DNAH1: variants seen among roughly 807,000 people sequenced by gnomAD.
The protein encoded by DNAH1 is axonemal beta dynein heavy chain 1.
Under a neutral mutation model 484.3 loss-of-function variants are expected in DNAH1, and 327 were observed. The ratio of observed to expected loss-of-function variants is 0.68; its 90% CI spans 0.62 to 0.74. The LOEUF is 0.74. Ranked by LOEUF, DNAH1 falls within the 30% of genes least tolerant of loss-of-function variation. The probability of loss-of-function intolerance (pLI) is 0.00; values close to 1 mark genes in which losing one functional copy is unlikely to be tolerated. For synonymous variants in DNAH1, 2,192 were observed against 2,191.9 expected, an observed-to-expected ratio of 1.00 and a Z score of 0.00; for missense variants, 5,052 against 5,546.8, an observed-to-expected ratio of 0.91 and a Z score of 2.83.
At position 52,350,008 on chromosome 3, in the gene DNAH1, G is replaced by A. The variant is rs1421170448; in HGVS notation, c.2546G>A (p.Ser849Asn). The A allele has an allele frequency of 6.2e-7, 1 of 1,611,458 alleles. No individual in the cohort carries two copies. Among genetic ancestry groups the A allele is most frequent in the African/African-American group, 1.3e-5 (1 of 75,042 alleles). Reference protein sequence around the residue: ...EVDSICEEFRSISRKIYEKPN... With the variant: ...EVDSICEEFRNISRKIYEKPN... ...TGCCAGATCTGCGAGGAGTTCCGCA[G>A]CATCAGCCGCAAGATCTATGAGAAG... Residue 849 changes from serine (S) to asparagine (N), a missense_variant, in exon 15 of 78, where the codon AGC (serine) becomes AAC (asparagine). This residue lies in a region of DNAH1 where 1,263 missense variants were observed against 1,218.8 expected (regional missense o/e 1.04). Transcript: ENST00000420323.
At chr3:52,399,274 C>G in intron 76 of DNAH1, 73 bp downstream of exon 76, 1 of 1,458,540 alleles carries the variant, frequency 6.9e-7, no homozygotes, top group Non-Finnish European at 9.2e-7. Flanking sequence ...TCTGAGGCCA[C>G]GGTTGGTTGG....
rs1195470108 is a variant in DNAH1 at position 52,370,035 on chromosome 3, G to T, written c.6138+16G>T. On this transcript the variant is annotated intron_variant, in intron 38 of 77. Coordinates refer to ENST00000420323, the MANE Select transcript of DNAH1 (RefSeq NM_015512.5). ...CTTCCTGGAGGTGAGTGAGGCCACG[G>T]GTATGTCTGACCCTGGCAGGGCAGC... 5.0e-5 allele frequency: 81 copies of T among 1,612,960 alleles called. No homozygotes were observed. Among genetic ancestry groups the T allele is most frequent in the Non-Finnish European group, 6.9e-5 (81 of 1,179,204 alleles).
chr3:52,372,048 T>A lies in DNAH1; in HGVS notation c.6628T>A (p.Ser2210Thr), dbSNP rs772467288. 2 of 1,613,766 alleles carry A rather than the reference T, an allele frequency of 1.2e-6. No individual in the cohort carries two copies. Among genetic ancestry groups the A allele is most frequent in the South Asian group, 1.1e-5 (1 of 91,082 alleles). Residue 2210 changes from serine to threonine, a missense_variant, in exon 42 of 78, where the codon TCC (serine) becomes ACC (threonine). By Grantham distance (58) the Ser-to-Thr change is moderately conservative. This residue lies in a region of DNAH1 where 2,929 missense variants were observed against 3,409.4 expected (regional missense o/e 0.86). Coordinates refer to ENST00000420323, the MANE Select transcript of DNAH1 (RefSeq NM_015512.5). ...IVPTMDTVQM[S>T]HLLDMLLTNK... ...GCCCACCATGGACACCGTGCAGATG[T>A]CCCATTTACTGGACATGCTGCTCAC...
chr3:52,350,499 TCTG>T lies in DNAH1; in HGVS notation c.2647-8_2647-6del. Reference sequence around the variant, plus strand: ...CACGTGAAGTTCTCATTACCACCTGTCTGTGCAGGAGCGGATTGTGAAGGTCAT... The same window carrying T: ...CACGTGAAGTTCTCATTACCACCTGTTGCAGGAGCGGATTGTGAAGGTCAT... On this transcript the variant is annotated splice_region_variant and splice_polypyrimidine_tract_variant and intron_variant, in intron 15 of 77. Transcript: ENST00000420323. The T allele has an allele frequency of 6.2e-7, 1 of 1,613,566 alleles. No individual in the cohort carries two copies. The highest frequency in any genetic ancestry group is 8.5e-7 in the Non-Finnish European group (1 of 1,179,666).
In DNAH1 at chr3:52,385,344, G is replaced by A. The variant is rs12638197; in HGVS notation, c.8522G>A (p.Arg2841His). The stretch of plus-strand genomic sequence containing the variant: ...CTCTGCCCTGACCCCTAGCTGCTGC[G>A]CACTTCTGAGGATGTAGCCAAGATG... ...RMKSGLDKLL[R>H]TSEDVAKMQE... Residue 2841 changes from arginine (R) to histidine (H), a missense_variant, in exon 54 of 78, where the codon CGC becomes CAC. Coordinates refer to ENST00000420323, the MANE Select transcript of DNAH1 (RefSeq NM_015512.5). The A allele has an allele frequency of 1.7e-5, 26 of 1,552,122 alleles. No homozygotes were observed. Among genetic ancestry groups the A allele is most frequent in the Admixed American group, 7.8e-5 (4 of 51,026 alleles).
chr3:52,357,698 A>G lies in DNAH1; in HGVS notation c.3943A>G (p.Ser1315Gly). The G allele has an allele frequency of 6.3e-7, 1 of 1,588,262 alleles. No individual in the cohort carries two copies. The highest frequency in any genetic ancestry group is 8.6e-7 in the Non-Finnish European group (1 of 1,166,968). ...TCTGGACCTGGTGCAGAAGGGCCTC[A>G]GCGAGTATCTGGAGACCAAGAGGAG... The part of the protein sequence containing the change: ...KILDLVQKGL[S>G]EYLETKRSAF... The change falls in exon 23 of 78, where the codon AGC (serine) becomes GGC (glycine). Residue 1315 changes from serine (S) to glycine (G), a missense_variant. Ser to Gly is a moderately conservative substitution (Grantham distance 56, BLOSUM62 0). Coordinates refer to ENST00000420323, the MANE Select transcript of DNAH1 (RefSeq NM_015512.5).
At chr3:52,338,202 G>A (rs141808213) in intron 8 of DNAH1, among the ~76,000 whole-genome samples, 49 of 152,166 alleles carry the variant, frequency 3.2e-4, no homozygotes, top group African/African-American at 1.1e-3. Context: ...TCTGCCTCCC[G>A]GGCTCAAGCT....
At position 52,358,019 on chromosome 3, in the gene DNAH1, C is replaced by CG. The variant is rs2153224230; in HGVS notation, c.4086+20dup. On this transcript the variant is annotated intron_variant, in intron 24 of 77. Transcript: ENST00000420323. This position sits in a 1 kb window ranked among gnomAD's most constrained non-coding sequence, Gnocchi z 4.2. ...CATCGCTCGGGTGGGCAGCTGGGCC[C>CG]GGGGCTCAGGGCTGGGAGCATGGGG... is the stretch of plus-strand genomic sequence containing the variant. 6.3e-7 allele frequency: 1 copy of CG among 1,584,424 alleles called. No homozygotes were observed.
chr3:52,381,494 G>T lies in DNAH1; in HGVS notation c.7609-146G>T. On this transcript the variant is annotated intron_variant, in intron 48 of 77. Coordinates refer to ENST00000420323, the MANE Select transcript of DNAH1 (RefSeq NM_015512.5). The surrounding 1 kb of genome is among the most constrained non-coding windows in gnomAD (Gnocchi z 4.1). ...TCAGCTTGGGCTCGAGCCTGCAGGG[G>T]AAACATGCAGCTGGCCGGGTCACAG... 2 of 665,576 alleles carry T rather than the reference G, an allele frequency of 3.0e-6. No individual in the cohort carries two copies. The highest frequency in any genetic ancestry group is 5.6e-5 in the East Asian group (2 of 35,538). 41.2% of individuals were successfully genotyped at this position (665,576 alleles called of 1,614,324 possible).
rs566530659 is a variant in DNAH1 at position 52,398,668 on chromosome 3, C to T, written c.12090-182C>T. On this transcript the variant is annotated intron_variant, in intron 75 of 77. Transcript: ENST00000420323. ...AAATGTTCCGTAAGCTATCCAAGTCCAACTTCACACATGTGCTAAGGGCCA... is the reference window on the plus strand; with the variant it reads ...AAATGTTCCGTAAGCTATCCAAGTCTAACTTCACACATGTGCTAAGGGCCA... 4.6e-5 allele frequency among the ~76,000 whole-genome samples: 7 copies of T among 152,062 alleles called. No homozygotes were observed. The South Asian group carries it at 1.5e-3, about 32-fold the overall frequency.
At chr3:52,377,874 G>C (rs1216567636) in intron 46 of DNAH1, among the ~76,000 whole-genome samples, 2 of 151,980 alleles carry the variant, frequency 1.3e-5, no homozygotes, top group Admixed American at 6.6e-5. Flanking sequence ...CCACCTATTT[G>C]CTGTCTTTGT....
intron 74 of DNAH1, 32 bp from the exon 75 acceptor site, chr3:52,398,000 C>T: frequency 6.2e-7 from 1 of 1,606,674 alleles, no homozygotes; most frequent in Non-Finnish European, 8.5e-7. Flanking sequence ...GGGGCCCAGC[C>T]TTGACCCCAC....
chr3:52,366,981 A>G, intron 36 of DNAH1, 94 bp downstream of exon 36: 1 of 1,440,554 alleles, frequency 6.9e-7, no homozygotes, highest in Non-Finnish European at 9.4e-7. Context: ...AGCCCAGTGG[A>G]AGGCCGGGCT....
chr3:52,324,179 T>G (rs1382264695), intron 3 of DNAH1, among the ~76,000 whole-genome samples: 2 of 152,004 alleles, frequency 1.3e-5, no homozygotes, highest in Non-Finnish European at 2.9e-5. Context: ...CATATGGGTG[T>G]ATTTTCTGCC....
At chr3:52,312,968 T>C (rs1307454678), upstream of DNAH1, among the ~76,000 whole-genome samples, 1 of 152,130 alleles carries the variant, frequency 6.6e-6, no homozygotes, top group Non-Finnish European at 1.5e-5. Flanking sequence ...TTGTATTTTT[T>C]AGTAGAGACA....
intron 70 of DNAH1, 144 bp from the exon 71 acceptor site, chr3:52,396,224 C>A: frequency 1.1e-6 from 1 of 894,370 alleles, no homozygotes. Context: ...TGAGCCACCG[C>A]GCCCAGCCAA....
chr3:52,367,487 C>G (rs1196557334), intron 36 of DNAH1, among the ~76,000 whole-genome samples: 2 of 152,088 alleles, frequency 1.3e-5, no homozygotes, highest in African/African-American at 4.8e-5. Context: ...TCCCCCATAT[C>G]CACTCCAGTC....
At chr3:52,344,759 A>G (rs1702078907) in intron 9 of DNAH1, 112 bp downstream of exon 9, 1 of 1,192,222 alleles carries the variant, frequency 8.4e-7, no homozygotes, top group African/African-American at 1.5e-5. Context: ...CATCAGCCCA[A>G]CACTCCCTGC....
rs1704821205 is a variant in DNAH1 at position 52,399,727 on chromosome 3, C to T, written c.12624C>T (p.Ala4208=). 1.9e-6 allele frequency: 3 copies of T among 1,613,898 alleles called. No individual in the cohort carries two copies. The highest frequency in any genetic ancestry group is 1.1e-5 in the South Asian group (1 of 91,090). ...TCTTGCCAACACCCAACCGCAAGGC[C>T]CAGGACCAGGACTTTTACCTGTGCC... The part of the protein sequence containing the change: ...IWLLPTPNRK[A]QDQDFYLCPI... The change falls in exon 77 of 78, where the codon GCC becomes GCT. Residue 4208 remains alanine (A), a synonymous_variant. Transcript: ENST00000420323.
Sources: gnomAD v4.1 joint callset for allele counts (sites outside exome capture counted in the v4.1 genomes callset) on GRCh38, gnomAD v4.1.1 for gene constraint, gnomAD v4.1.1 regional missense constraint, Gnocchi (gnomAD v3.1) non-coding constraint, MANE v1.5 for transcripts, NCBI Gene and HGNC (gene_info 2026-07-23, HGNC 2026-07-21) for gene names.